COL22A1: variants seen among roughly 807,000 people sequenced by gnomAD.
The protein encoded by COL22A1 is collagen alpha-1(XXII) chain.
A neutral mutation model predicts 248.9 loss-of-function variants in COL22A1; 221 were observed. The ratio of observed to expected loss-of-function variants is 0.89; its 90% CI spans 0.80 to 0.99. COL22A1 has a LOEUF of 0.99. Among genes scored for constraint, COL22A1 ranks in the 50% least tolerant of loss-of-function variants. The probability of loss-of-function intolerance (pLI) is 0.00; values close to 1 mark genes in which losing one functional copy is unlikely to be tolerated. For missense variants in COL22A1, 2,240 were observed against 2,179.0 expected, an observed-to-expected ratio of 1.03 and a Z score of -0.56; for synonymous variants, 891 against 793.4, an observed-to-expected ratio of 1.12 and a Z score of -2.07.
intron 42 of COL22A1, 101 bp from the exon 43 acceptor site, chr8:138,662,184 G>A: frequency 1.1e-6 from 1 of 923,072 alleles, no homozygotes; most frequent in Non-Finnish European, 1.7e-6. Flanking sequence ...CACATGGTCT[G>A]TTGCTATGAG....
intron 3 of COL22A1, among the ~76,000 whole-genome samples, chr8:138,870,657 C>T (rs569701609): frequency 3.7e-4 from 56 of 151,012 alleles, no homozygotes; most frequent in African/African-American, 1.2e-3. Context: ...GTTCATGTGG[C>T]GTGTGCAAAA....
chr8:138,727,139 C>G (rs1830378355), intron 23 of COL22A1, among the ~76,000 whole-genome samples: 1 of 152,142 alleles, frequency 6.6e-6, no homozygotes, highest in Admixed American at 6.5e-5. Flanking sequence ...CTCTGATTTT[C>G]TAAAGGGTAG....
chr8:138,853,902 C>T (rs1251323526), intron 3 of COL22A1, among the ~76,000 whole-genome samples: 5 of 152,164 alleles, frequency 3.3e-5, no homozygotes, highest in African/African-American at 1.2e-4. Flanking sequence ...ACCCAGTCTC[C>T]CATCTTTGCA....
intron 63 of COL22A1, among the ~76,000 whole-genome samples, chr8:138,592,020 A>G (rs4617156): frequency 6.6e-6 from 1 of 152,216 alleles, no homozygotes; most frequent in Non-Finnish European, 1.5e-5. Context: ...ACTGGATGGT[A>G]TATAACCAAT....
chr8:138,754,245 A>T (rs1351542685), intron 21 of COL22A1, among the ~76,000 whole-genome samples: 1 of 120,192 alleles, frequency 8.3e-6, no homozygotes, highest in Non-Finnish European at 1.7e-5. Context: ...TGCATTATCT[A>T]GTTTAAATCT....
At chr8:138,728,392 T>C (rs971358409) in intron 23 of COL22A1, among the ~76,000 whole-genome samples, 5 of 152,076 alleles carry the variant, frequency 3.3e-5, no homozygotes, top group African/African-American at 1.2e-4. Context: ...CCGAAGGCCC[T>C]TCCCAAGCAT....
intron 6 of COL22A1, among the ~76,000 whole-genome samples, chr8:138,823,531 G>C (rs373949859): frequency 6.6e-6 from 1 of 152,000 alleles, no homozygotes; most frequent in African/African-American, 2.4e-5. Flanking sequence ...TCAGCCTCCC[G>C]AGTAGCTGGG....
chr8:138,684,340 C>A, intron 39 of COL22A1, 85 bp downstream of exon 39: 1 of 859,106 alleles, frequency 1.2e-6, no homozygotes, highest in South Asian at 1.3e-5. Context: ...ACTGAGGTAA[C>A]CGGAGATGCT....
chr8:138,735,372 C>G (rs1434930332), intron 23 of COL22A1, among the ~76,000 whole-genome samples: 1 of 152,086 alleles, frequency 6.6e-6, no homozygotes, highest in Non-Finnish European at 1.5e-5. Context: ...TTACAGGGTG[C>G]TACTCCCTGC....
chr8:138,827,183 C>T (rs1819657309), intron 5 of COL22A1: 1 of 183,450 alleles, frequency 5.5e-6, no homozygotes, highest in Admixed American at 5.4e-5. Context: ...CCTTATCCTG[C>T]TTGGTGCCCT....
chr8:138,688,523 G>GA (rs572166800), intron 37 of COL22A1, among the ~76,000 whole-genome samples: 2,048 of 143,446 alleles, frequency 0.014, 20 homozygotes, highest in Non-Finnish European at 0.019. Context: ...CCTGTCTCAA[G>GA]AAAAAAAAAA....
intron 23 of COL22A1, among the ~76,000 whole-genome samples, chr8:138,728,083 A>C (rs1264085906): frequency 6.6e-6 from 1 of 152,120 alleles, no homozygotes; most frequent in Non-Finnish European, 1.5e-5. Context: ...CCCAGGCTGG[A>C]GTGCAGGGGT....
At chr8:138,808,491 A>G (rs1464517662) in intron 9 of COL22A1, among the ~76,000 whole-genome samples, 2 of 152,228 alleles carry the variant, frequency 1.3e-5, no homozygotes, top group African/African-American at 4.8e-5. Context: ...TCACTAAAAT[A>G]CAAAAGAGGA....
chr8:138,668,613 C>A (rs1824721061), intron 41 of COL22A1, among the ~76,000 whole-genome samples: 1 of 152,202 alleles, frequency 6.6e-6, no homozygotes, highest in African/African-American at 2.4e-5. Context: ...GAATTGATCA[C>A]CTCTTTGTTC....
intron 4 of COL22A1, among the ~76,000 whole-genome samples, chr8:138,839,634 G>A (rs1479619438): frequency 2.0e-5 from 3 of 152,142 alleles, no homozygotes; most frequent in Non-Finnish European, 4.4e-5. Flanking sequence ...GGGCAGGTGA[G>A]GAGGGAGGGA....
At chr8:138,850,222 G>A (rs1030934289) in intron 3 of COL22A1, among the ~76,000 whole-genome samples, 2 of 152,156 alleles carry the variant, frequency 1.3e-5, no homozygotes, top group Non-Finnish European at 2.9e-5. Context: ...AGCACCAGCT[G>A]CCTCCCCAGA....
At chr8:138,630,587 T>C (rs1820628230) in intron 50 of COL22A1, 108 bp downstream of exon 50, 1 of 912,352 alleles carries the variant, frequency 1.1e-6, no homozygotes. Flanking sequence ...CTCAAAAATA[T>C]GTGAGCCACA....
chr8:138,710,614 T>TATAG (rs1563649486), intron 30 of COL22A1, among the ~76,000 whole-genome samples: 23 of 70,620 alleles, frequency 3.3e-4, no homozygotes, highest in Non-Finnish European at 5.4e-4. Flanking sequence ...TATCTATATA[T>TATAG]ATATATCTCC....
chr8:138,798,563 C>T (rs921797365), intron 11 of COL22A1, among the ~76,000 whole-genome samples: 1 of 151,932 alleles, frequency 6.6e-6, no homozygotes, highest in East Asian at 1.9e-4. Context: ...AGCTCTATCC[C>T]TTCTTCCCTC....
Sources: gnomAD v4.1 joint callset for allele counts (sites outside exome capture counted in the v4.1 genomes callset) on GRCh38, gnomAD v4.1.1 for gene constraint, MANE v1.5 for transcripts, NCBI Gene and HGNC (gene_info 2026-07-23, HGNC 2026-07-21) for gene names.